The following KCMF1 variants were observed in gnomAD, a reference collection of about 807,000 sequenced individuals.
KCMF1 encodes E3 ubiquitin-protein ligase KCMF1.
Under a neutral mutation model 41.1 loss-of-function variants are expected in KCMF1, and 3 were observed. That is an observed-to-expected ratio of 0.07 (90% CI 0.03 to 0.19). The LOEUF (loss-of-function observed/expected upper bound fraction) is 0.19, where lower values mean the gene tolerates loss of function less well. Ranked by LOEUF, KCMF1 falls within the 10% of genes least tolerant of loss-of-function variation. KCMF1 has a pLI of 1.00. For missense variants in KCMF1, 286 were observed against 488.9 expected, an observed-to-expected ratio of 0.58 and a Z score of 3.91; for synonymous variants, 142 against 164.5, an observed-to-expected ratio of 0.86 and a Z score of 1.04.
intron 1 of KCMF1, among the ~76,000 whole-genome samples, chr2:84,981,583 ATTAGGAGAGTCACTTTTTAGAGTACTAGG>A (rs1422367944): frequency 6.6e-6 from 1 of 152,112 alleles, no homozygotes; most frequent in Non-Finnish European, 1.5e-5. Context: ...GAGGATTTTC[ATTAGGAGAGTCACTTTTTAGAGTACTAGG>A]TTGATGAGTT....
intron 1 of KCMF1, among the ~76,000 whole-genome samples, chr2:84,987,189 T>G (rs1188287764): frequency 6.6e-6 from 1 of 152,248 alleles, no homozygotes; most frequent in Non-Finnish European, 1.5e-5. Context: ...GATTGTCATG[T>G]GAAGGTCAGT....
intron 1 of KCMF1, among the ~76,000 whole-genome samples, chr2:85,015,970 G>A (rs1399351824): frequency 6.6e-6 from 1 of 152,110 alleles, no homozygotes; most frequent in Admixed American, 6.5e-5. Flanking sequence ...AATAATGAAA[G>A]GATGGGTGGA....
chr2:84,984,626 G>A (rs1217151721), intron 1 of KCMF1, among the ~76,000 whole-genome samples: 1 of 152,014 alleles, frequency 6.6e-6, no homozygotes, highest in East Asian at 1.9e-4. Flanking sequence ...TTCGAGACCA[G>A]CCTGACCAAC....
intron 1 of KCMF1, among the ~76,000 whole-genome samples, chr2:84,971,764 G>A (rs1409178905): frequency 1.3e-5 from 2 of 150,720 alleles, no homozygotes; most frequent in Non-Finnish European, 3.0e-5. Context: ...TTACCGGCGG[G>A]AGCTCGGCCT....
rs576678525 is a variant in KCMF1, at chr2:85,004,313, T to C, written c.17-23576T>C. On this transcript the variant is annotated intron_variant, in intron 1 of 6. Coordinates refer to ENST00000409785, the MANE Select transcript of KCMF1 (RefSeq NM_020122.5). Reference sequence around the variant, plus strand: ...GATCACGATGTCAGGAGATTGAGACTATCCTGGCTAACATGGTGAAAACCT... The same window carrying C: ...GATCACGATGTCAGGAGATTGAGACCATCCTGGCTAACATGGTGAAAACCT... Among the ~76,000 whole-genome samples the C allele has an allele frequency of 4.6e-5, 7 of 152,138 alleles. No homozygotes were observed. The South Asian group carries it at 6.2e-4, about 14-fold the overall frequency.
At chr2:84,997,962 A>G (rs1674217318) in intron 1 of KCMF1, among the ~76,000 whole-genome samples, 1 of 150,944 alleles carries the variant, frequency 6.6e-6, no homozygotes. Context: ...TAGTAGAGAC[A>G]GGGTTTCTCC....
rs533398775 is a variant in KCMF1, at chr2:85,004,954, G to A, written c.17-22935G>A. 2.0e-5 allele frequency among the ~76,000 whole-genome samples: 3 copies of A among 152,084 alleles called. No homozygotes were observed. In the East Asian group the frequency reaches 5.8e-4, roughly 30 times the overall value. Reference sequence around the variant, plus strand: ...GGATTCAAGTGATTCTCCTGCCTCAGCCTCTCAAGTAGCTGGGATTCAGCT... The same window carrying A: ...GGATTCAAGTGATTCTCCTGCCTCAACCTCTCAAGTAGCTGGGATTCAGCT... On this transcript the variant is annotated intron_variant, in intron 1 of 6. Coordinates refer to ENST00000409785, the MANE Select transcript of KCMF1 (RefSeq NM_020122.5).
At chr2:84,982,014 C>T (rs1673769161) in intron 1 of KCMF1, among the ~76,000 whole-genome samples, 1 of 152,018 alleles carries the variant, frequency 6.6e-6, no homozygotes, top group Non-Finnish European at 1.5e-5. Flanking sequence ...AACCTCTGAC[C>T]TCAGTTGGTC....
At chr2:85,003,477 C>CA (rs937465455) in intron 1 of KCMF1, among the ~76,000 whole-genome samples, 62 of 142,442 alleles carry the variant, frequency 4.4e-4, no homozygotes, top group South Asian at 6.6e-4. Flanking sequence ...GACTCCGTCT[C>CA]AAAAAAAAAA....
intron 5 of KCMF1, among the ~76,000 whole-genome samples, chr2:85,047,050 T>C (rs182466136): frequency 4.6e-5 from 7 of 152,298 alleles, no homozygotes; most frequent in Admixed American, 1.3e-4. Flanking sequence ...AAACATAGTA[T>C]GTATAGGGTT....
chr2:84,993,732 T>C (rs1674103393), intron 1 of KCMF1, among the ~76,000 whole-genome samples: 1 of 151,274 alleles, frequency 6.6e-6, no homozygotes, highest in Non-Finnish European at 1.5e-5. Context: ...TGCGCCACCG[T>C]GCCTGGCTAT....
chr2:85,039,488 GTA>G (rs1426404548), intron 3 of KCMF1, among the ~76,000 whole-genome samples: 3 of 152,142 alleles, frequency 2.0e-5, no homozygotes, highest in African/African-American at 7.2e-5. Flanking sequence ...GAAAAGTTCT[GTA>G]TATTCAGCAG....
intron 4 of KCMF1, 45 bp downstream of exon 4, chr2:85,043,710 T>C: frequency 7.5e-7 from 1 of 1,334,634 alleles, no homozygotes; most frequent in Non-Finnish European, 1.1e-6. Context: ...TTTGTAATGT[T>C]TGTCATTTTG....
chr2:84,996,154 T>C (rs1285506835), intron 1 of KCMF1, among the ~76,000 whole-genome samples: 2 of 152,350 alleles, frequency 1.3e-5, no homozygotes, highest in Admixed American at 6.5e-5. Flanking sequence ...GCTTCTACAC[T>C]CAAGTAATTA....
chr2:85,019,671 A>G (rs1179664578), intron 1 of KCMF1, among the ~76,000 whole-genome samples: 1 of 152,078 alleles, frequency 6.6e-6, no homozygotes, highest in Non-Finnish European at 1.5e-5. Flanking sequence ...TAATAAAGTG[A>G]ATCTTATGTT....
At chr2:84,971,712 C>T (rs1673398774) in intron 1 of KCMF1, among the ~76,000 whole-genome samples, 1 of 150,712 alleles carries the variant, frequency 6.6e-6, no homozygotes, top group Non-Finnish European at 1.5e-5. Context: ...GGAGGGTTTG[C>T]ACTGTCATGG....
chr2:85,037,603 T>C (rs894024999), intron 3 of KCMF1, among the ~76,000 whole-genome samples: 1 of 152,250 alleles, frequency 6.6e-6, no homozygotes, highest in Admixed American at 6.5e-5. Flanking sequence ...ATTTTTTAAT[T>C]AGGGAATTCA....
At position 84,994,604 on chromosome 2, in the gene KCMF1, T is replaced by C. The variant is rs528625045; in HGVS notation, c.16+23137T>C. Among the ~76,000 whole-genome samples the C allele has an allele frequency of 2.0e-5, 3 of 151,938 alleles. No homozygotes were observed. In the South Asian group the frequency reaches 6.2e-4, roughly 32 times the overall value. On this transcript the variant is annotated intron_variant, in intron 1 of 6. Transcript: ENST00000409785. ...TTTTAGTAGAAACGGGGTTTCTCCATGTTGGTCAGGATGGTTTCAAACTCC... is the reference window on the plus strand; with the variant it reads ...TTTTAGTAGAAACGGGGTTTCTCCACGTTGGTCAGGATGGTTTCAAACTCC...
intron 1 of KCMF1, among the ~76,000 whole-genome samples, chr2:84,973,286 G>A (rs569572009): frequency 6.6e-6 from 1 of 152,172 alleles, no homozygotes; most frequent in Non-Finnish European, 1.5e-5. Flanking sequence ...CACCCCCAGT[G>A]CTCTGTTAGA....
Sources: gnomAD v4.1 joint callset for allele counts (sites outside exome capture counted in the v4.1 genomes callset) on GRCh38, gnomAD v4.1.1 for gene constraint, MANE v1.5 for transcripts, NCBI Gene and HGNC (gene_info 2026-07-23, HGNC 2026-07-21) for gene names.